SKIC8: variants seen among roughly 807,000 people sequenced by gnomAD.
The protein encoded by SKIC8 is SKI8 subunit of superkiller complex, also known as superkiller complex protein 8.
At chr15:78,295,672 T>TA in the SKIC8 span, 1 of 1,583,580 alleles carries the variant, frequency 6.3e-7, no homozygotes, top group Non-Finnish European at 8.6e-7. Flanking sequence ...ACACAGGTCT[T>TA]ACCTGGTTGG....
chr15:78,286,458 A>G, the SKIC8 span: 1 of 226,296 alleles, frequency 4.4e-6, no homozygotes, highest in Non-Finnish European at 8.7e-6. Flanking sequence ...AGATGAGGAA[A>G]TTGAGAACCA....
the SKIC8 span, chr15:78,295,308 A>G: frequency 3.6e-6 from 2 of 556,334 alleles, no homozygotes; most frequent in East Asian, 3.1e-5. Flanking sequence ...TTGCAGCTGC[A>G]ATAAGAACAC....
the SKIC8 span, among the ~76,000 whole-genome samples, chr15:78,296,507 C>G: frequency 6.6e-6 from 1 of 151,960 alleles, no homozygotes; most frequent in Non-Finnish European, 1.5e-5. Context: ...CAAAGACCCC[C>G]TTTGGCGGAC....
the SKIC8 span, chr15:78,283,868 G>T: frequency 6.0e-6 from 1 of 165,314 alleles, no homozygotes; most frequent in Non-Finnish European, 1.3e-5. Context: ...TATGCTTCCA[G>T]GAAGAAAGAG....
At chr15:78,294,709 C>T in the SKIC8 span, 3 of 480,078 alleles carry the variant, frequency 6.2e-6, no homozygotes, top group East Asian at 1.0e-4. Context: ...TTTTCCTCAG[C>T]CTAGAATTCC....
At chr15:78,284,858 C>G in the SKIC8 span, 6 of 173,768 alleles carry the variant, frequency 3.5e-5, no homozygotes, top group African/African-American at 1.4e-4. Context: ...TGGACAGTCC[C>G]AAAAATGACA....
chr15:78,295,667 G>A, the SKIC8 span: 2 of 1,585,224 alleles, frequency 1.3e-6, no homozygotes, highest in Non-Finnish European at 1.7e-6. Context: ...CTTCAACACA[G>A]GTCTTACCTG....
At chr15:78,283,340 C>A in the SKIC8 span, 1 of 966,062 alleles carries the variant, frequency 1.0e-6, no homozygotes, top group Non-Finnish European at 1.5e-6. Context: ...ACAATAAATG[C>A]TATATTTCTT....
At chr15:78,285,321 T>C in the SKIC8 span, 2 of 1,614,140 alleles carry the variant, frequency 1.2e-6, no homozygotes, top group Admixed American at 1.7e-5. Context: ...CCCAAACTTT[T>C]ACACTTTTGT....
At chr15:78,295,668 G>A in the SKIC8 span, 1 of 1,585,694 alleles carries the variant, frequency 6.3e-7, no homozygotes, top group Non-Finnish European at 8.6e-7. Context: ...TTCAACACAG[G>A]TCTTACCTGG....
the SKIC8 span, among the ~76,000 whole-genome samples, chr15:78,294,097 A>G: frequency 6.6e-6 from 1 of 152,214 alleles, no homozygotes. Flanking sequence ...TGTGGCTTCC[A>G]TTTCAAACCT....
the SKIC8 span, chr15:78,285,378 G>C: frequency 2.5e-6 from 4 of 1,594,128 alleles, no homozygotes; most frequent in East Asian, 4.5e-5. Flanking sequence ...GTTTGAAGTT[G>C]GAAGGACTTC....
the SKIC8 span, chr15:78,290,046 T>C: frequency 1.2e-6 from 2 of 1,614,168 alleles, no homozygotes; most frequent in Non-Finnish European, 1.7e-6. Flanking sequence ...CCGACATGAG[T>C]TCCTGTGGCC....
the SKIC8 span, chr15:78,295,358 T>C: frequency 1.7e-6 from 1 of 588,020 alleles, no homozygotes; most frequent in South Asian, 2.0e-5. Flanking sequence ...TCCCTAATCT[T>C]ATTACAAAGA....
chr15:78,294,667 A>G, the SKIC8 span: 1 of 402,756 alleles, frequency 2.5e-6, no homozygotes, highest in Non-Finnish European at 4.5e-6. Flanking sequence ...AGCAGCTGGG[A>G]AGCTCCATCA....
chr15:78,295,429 T>TGTGAAAAAAACTGTGTTGTCCCTGG, the SKIC8 span: 1 of 609,722 alleles, frequency 1.6e-6, no homozygotes, highest in Non-Finnish European at 2.9e-6. Context: ...GTACAACATC[T>TGTGAAAAAAACTGTGTTGTCCCTGG]TTTAAGCTTC....
chr15:78,298,600 C>T, the SKIC8 span, among the ~76,000 whole-genome samples: 16 of 152,212 alleles, frequency 1.1e-4, no homozygotes, highest in South Asian at 3.1e-3. Flanking sequence ...ACGAATTAAA[C>T]TAAGTAATCA....
At chr15:78,295,702 T>C in the SKIC8 span, 2 of 1,551,394 alleles carry the variant, frequency 1.3e-6, no homozygotes, top group Non-Finnish European at 1.7e-6. Context: ...TAACCAAGGA[T>C]CAAGGACAAA....
the SKIC8 span, chr15:78,294,969 C>T: frequency 1.2e-6 from 2 of 1,613,990 alleles, no homozygotes; most frequent in Non-Finnish European, 1.7e-6. Context: ...GAAGAGAATA[C>T]CGTACTAAAA....
Sources: allele counts gnomAD v4.1 joint callset (sites outside exome capture counted in the v4.1 genomes callset), GRCh38; gene constraint gnomAD v4.1.1; transcripts MANE v1.5; gene names NCBI Gene and HGNC (gene_info 2026-07-23, HGNC 2026-07-21).